CACNB2: variants seen among roughly 807,000 people sequenced by gnomAD.
CACNB2 encodes the protein calcium voltage-gated channel auxiliary subunit beta 2.
Under a neutral mutation model 73.3 loss-of-function variants are expected in CACNB2, and 42 were observed. The observed-to-expected ratio is 0.57, with a 90% CI of 0.45 to 0.74. The LOEUF is 0.74. Among genes scored for constraint, CACNB2 ranks in the 30% least tolerant of loss-of-function variants. The pLI is 0.00. For synonymous variants in CACNB2, 348 were observed against 310.3 expected (o/e 1.12, Z -1.28); for missense variants, 940 against 853.0 (o/e 1.10, Z -1.27).
chr10:18,514,636 C>G, intron 7 of CACNB2: 1 of 1,314,706 alleles, frequency 7.6e-7, no homozygotes, highest in South Asian at 1.2e-5. Context: ...AGCAAAGAAC[C>G]TATCAACAGC....
intron 2 of CACNB2, among the ~76,000 whole-genome samples, chr10:18,329,550 A>G (rs987070547): frequency 2.6e-5 from 4 of 151,370 alleles, no homozygotes; most frequent in East Asian, 1.9e-4. Context: ...ATATAAGCTT[A>G]AATAATGGGC....
intron 3 of CACNB2, among the ~76,000 whole-genome samples, chr10:18,467,380 G>C (rs564709183): frequency 4.6e-5 from 7 of 152,304 alleles, no homozygotes; most frequent in African/African-American, 1.7e-4. Flanking sequence ...AGAGTGTTAA[G>C]TCTAACTTTG....
At chr10:18,281,668 T>C (rs1193065165) in intron 2 of CACNB2, among the ~76,000 whole-genome samples, 1 of 152,088 alleles carries the variant, frequency 6.6e-6, no homozygotes, top group Non-Finnish European at 1.5e-5. Context: ...GTGTAGGTAA[T>C]TTCCTGGAAT....
intron 2 of CACNB2, among the ~76,000 whole-genome samples, chr10:18,274,902 C>T (rs2038212226): frequency 6.6e-6 from 1 of 152,062 alleles, no homozygotes; most frequent in Non-Finnish European, 1.5e-5. Context: ...TGTATGATTT[C>T]TTATTACACA....
intron 3 of CACNB2, among the ~76,000 whole-genome samples, chr10:18,471,775 A>T (rs2048200256): frequency 6.6e-6 from 1 of 152,248 alleles, no homozygotes; most frequent in Non-Finnish European, 1.5e-5. Context: ...AAGGGATCTT[A>T]AAAATGTCCT....
At chr10:18,489,110 A>C (rs1474700334) in intron 3 of CACNB2, among the ~76,000 whole-genome samples, 3 of 152,062 alleles carry the variant, frequency 2.0e-5, no homozygotes, top group Admixed American at 6.6e-5. Context: ...TCAGGAGATC[A>C]AGACCATCCT....
chr10:18,263,486 G>A (rs964370047), intron 2 of CACNB2, among the ~76,000 whole-genome samples: 12 of 152,096 alleles, frequency 7.9e-5, no homozygotes, highest in Admixed American at 7.9e-4. Context: ...GCATATATCT[G>A]TTAGATCTAA....
intron 2 of CACNB2, among the ~76,000 whole-genome samples, chr10:18,363,563 C>A (rs1220494696): frequency 6.6e-6 from 1 of 152,124 alleles, no homozygotes; most frequent in Admixed American, 6.5e-5. Flanking sequence ...ACTACCAGTA[C>A]CTTCCATTCC....
intron 3 of CACNB2, among the ~76,000 whole-genome samples, chr10:18,441,403 C>G (rs1295837744): frequency 6.6e-6 from 1 of 152,036 alleles, no homozygotes; most frequent in African/African-American, 2.4e-5. Flanking sequence ...GATTCCATCT[C>G]AAAAAAATAA....
At chr10:18,219,171 A>G (rs1013410780) in intron 2 of CACNB2, among the ~76,000 whole-genome samples, 2 of 147,900 alleles carry the variant, frequency 1.4e-5, no homozygotes, top group African/African-American at 5.3e-5. Context: ...TCTCAAAGAC[A>G]CAAAAAATAC....
chr10:18,220,232 T>TATATATAGAGAGAGAGAGAG (rs1488872721), intron 2 of CACNB2, among the ~76,000 whole-genome samples: 1 of 25,084 alleles, frequency 4.0e-5, no homozygotes. Flanking sequence ...TATATATATA[T>TATATATAGAGAGAGAGAGAG]AGAGAGAGAG....
At chr10:18,486,888 AGGACGT>A (rs879502555) in intron 3 of CACNB2, among the ~76,000 whole-genome samples, 61 of 152,200 alleles carry the variant, frequency 4.0e-4, no homozygotes, top group Admixed American at 2.2e-3. Flanking sequence ...AGGGAAATCG[AGGACGT>A]GGACGTGGAA....
intron 3 of CACNB2, among the ~76,000 whole-genome samples, chr10:18,480,542 C>T (rs773188161): frequency 3.9e-5 from 6 of 152,124 alleles, no homozygotes; most frequent in Non-Finnish European, 4.4e-5. Context: ...TTCTGTGTTC[C>T]CACTGCCAAG....
chr10:18,487,331 A>T (rs7893853), intron 3 of CACNB2, among the ~76,000 whole-genome samples: 20,973 of 152,106 alleles, frequency 0.14, 1,646 homozygotes, highest in Admixed American at 0.18. Context: ...CTATGCTTTC[A>T]GCTTGATTTT....
intron 2 of CACNB2, among the ~76,000 whole-genome samples, chr10:18,302,625 T>C (rs1414308770): frequency 6.6e-6 from 1 of 152,168 alleles, no homozygotes; most frequent in Non-Finnish European, 1.5e-5. Flanking sequence ...ATTCATATGT[T>C]CTCAACCGTA....
At chr10:18,325,367 A>T (rs11013616) in intron 2 of CACNB2, among the ~76,000 whole-genome samples, 28,395 of 150,712 alleles carry the variant, frequency 0.19, 2,775 homozygotes, top group Middle Eastern at 0.29. Context: ...TTTTTTTTTT[A>T]AATTTTTTGT....
chr10:18,385,037 T>C (rs2043167242), intron 2 of CACNB2, among the ~76,000 whole-genome samples: 1 of 152,014 alleles, frequency 6.6e-6, no homozygotes, highest in Non-Finnish European at 1.5e-5. Flanking sequence ...CCCAGCACTT[T>C]GGGAGGCCGA....
chr10:18,492,818 C>T (rs1200363970), intron 3 of CACNB2, among the ~76,000 whole-genome samples: 5 of 151,910 alleles, frequency 3.3e-5, no homozygotes, highest in Admixed American at 1.3e-4. Flanking sequence ...GGTTTGAGGA[C>T]GTTTACAGTG....
intron 2 of CACNB2, among the ~76,000 whole-genome samples, chr10:18,258,662 G>A (rs1370769785): frequency 1.3e-5 from 2 of 152,134 alleles, no homozygotes; most frequent in Non-Finnish European, 2.9e-5. Flanking sequence ...GGAGGTGGAG[G>A]TTGCAGTGAG....
Sources: gnomAD v4.1 joint callset for allele counts (sites outside exome capture counted in the v4.1 genomes callset) on GRCh38, gnomAD v4.1.1 for gene constraint, MANE v1.5 for transcripts, NCBI Gene and HGNC (gene_info 2026-07-23, HGNC 2026-07-21) for gene names.